The following KCNH8 variants were observed in gnomAD, a reference collection of about 807,000 sequenced individuals.
KCNH8 encodes the protein voltage-gated delayed rectifier potassium channel KCNH8.
In KCNH8, 70 loss-of-function variants were observed where a neutral mutation model predicts 103.6. That is an observed-to-expected ratio of 0.68 (90% CI 0.56 to 0.82). The LOEUF (loss-of-function observed/expected upper bound fraction) is 0.82, where lower values mean the gene tolerates loss of function less well. Ranked by LOEUF, KCNH8 falls within the 40% of genes least tolerant of loss-of-function variation. The probability of loss-of-function intolerance (pLI) is 0.00; values close to 1 mark genes in which losing one functional copy is unlikely to be tolerated. For missense variants in KCNH8, 1,217 were observed against 1,329.9 expected (o/e 0.92, Z 1.32); for synonymous variants, 498 against 489.4 (o/e 1.02, Z -0.23).
chr3:19,434,226 T>TA (rs999456129), intron 7 of KCNH8, among the ~76,000 whole-genome samples: 3 of 152,192 alleles, frequency 2.0e-5, no homozygotes, highest in African/African-American at 7.2e-5. Context: ...CAGAGACAGA[T>TA]ATGTAAGTAT....
chr3:19,156,819 T>G (rs2063185407), intron 1 of KCNH8, among the ~76,000 whole-genome samples: 1 of 152,080 alleles, frequency 6.6e-6, no homozygotes, highest in Non-Finnish European at 1.5e-5. Context: ...TTCCATGTAT[T>G]TTGAGTCTGC....
intron 3 of KCNH8, among the ~76,000 whole-genome samples, chr3:19,316,907 G>A (rs2065281898): frequency 6.6e-6 from 1 of 151,876 alleles, no homozygotes; most frequent in East Asian, 1.9e-4. Flanking sequence ...AGGATAAATA[G>A]ATGCTTTGAA....
chr3:19,481,675 G>A (rs1023994927), intron 11 of KCNH8, among the ~76,000 whole-genome samples: 2 of 152,180 alleles, frequency 1.3e-5, no homozygotes, highest in African/African-American at 4.8e-5. Context: ...AAAGGTTAAA[G>A]CAGTGCTTGA....
chr3:19,470,963 T>C (rs1384107064), intron 11 of KCNH8, among the ~76,000 whole-genome samples: 1 of 152,294 alleles, frequency 6.6e-6, no homozygotes, highest in South Asian at 2.1e-4. Flanking sequence ...CTCTTGTTAG[T>C]CAAAGAGCAC....
intron 6 of KCNH8, among the ~76,000 whole-genome samples, chr3:19,392,398 C>T (rs2066452114): frequency 6.6e-6 from 1 of 151,192 alleles, no homozygotes; most frequent in Admixed American, 6.6e-5. Context: ...CAGGAGTGAG[C>T]ATATGAGAAT....
At chr3:19,411,804 G>A (rs1341499267) in intron 7 of KCNH8, among the ~76,000 whole-genome samples, 3 of 150,458 alleles carry the variant, frequency 2.0e-5, no homozygotes, top group Non-Finnish European at 3.0e-5. Context: ...CACAGACTAC[G>A]AATACATCAA....
intron 3 of KCNH8, among the ~76,000 whole-genome samples, chr3:19,324,916 C>T (rs2065400051): frequency 6.6e-6 from 1 of 152,138 alleles, no homozygotes; most frequent in Non-Finnish European, 1.5e-5. Context: ...CTGGAGGTAT[C>T]AGGCTACCTG....
At chr3:19,167,060 C>G (rs1463405775) in intron 1 of KCNH8, among the ~76,000 whole-genome samples, 1 of 152,174 alleles carries the variant, frequency 6.6e-6, no homozygotes, top group African/African-American at 2.4e-5. Context: ...TTCTCTGTCA[C>G]AAGTGTCTCC....
At chr3:19,407,726 C>T (rs2066714905) in intron 7 of KCNH8, among the ~76,000 whole-genome samples, 1 of 152,138 alleles carries the variant, frequency 6.6e-6, no homozygotes, top group Non-Finnish European at 1.5e-5. Flanking sequence ...CAGCCTGAGT[C>T]ATACCACCCC....
chr3:19,466,059 C>A lies in KCNH8; in HGVS notation c.2040+9077C>A, dbSNP rs902791155. On this transcript the variant is annotated intron_variant, in intron 11 of 15. Coordinates refer to ENST00000328405, the MANE Select transcript of KCNH8 (RefSeq NM_144633.3). ...AAGAGATCCTCCAACCTCAGCCTCC[C>A]ATGCACGGGCATGCACCACCACACC... Among the ~76,000 whole-genome samples, 8 of 152,010 alleles carry A rather than the reference C, an allele frequency of 5.3e-5. No individual in the cohort carries two copies. The East Asian group carries it at 1.5e-3, about 29-fold the overall frequency.
intron 1 of KCNH8, among the ~76,000 whole-genome samples, chr3:19,203,294 C>A (rs2063682141): frequency 6.6e-6 from 1 of 151,718 alleles, no homozygotes; most frequent in African/African-American, 2.4e-5. Flanking sequence ...TTAAATTTGG[C>A]TAAAGATTCA....
At chr3:19,354,237 A>C (rs2065846568) in intron 5 of KCNH8, among the ~76,000 whole-genome samples, 1 of 152,232 alleles carries the variant, frequency 6.6e-6, no homozygotes, top group African/African-American at 2.4e-5. Context: ...AAGAGGACAC[A>C]AACAAATGGA....
At chr3:19,374,458 C>G (rs1168866523) in intron 5 of KCNH8, among the ~76,000 whole-genome samples, 1 of 151,912 alleles carries the variant, frequency 6.6e-6, no homozygotes, top group Admixed American at 6.6e-5. Context: ...TTTCCATTTG[C>G]TTGGTAGATC....
At chr3:19,389,826 C>T (rs939739703) in intron 5 of KCNH8, among the ~76,000 whole-genome samples, 3 of 151,916 alleles carry the variant, frequency 2.0e-5, no homozygotes, top group Non-Finnish European at 2.9e-5. Flanking sequence ...GATGAGTTCT[C>T]GTTTTGTTGC....
At chr3:19,325,700 T>C (rs2065413587) in intron 3 of KCNH8, among the ~76,000 whole-genome samples, 1 of 152,100 alleles carries the variant, frequency 6.6e-6, no homozygotes, top group South Asian at 2.1e-4. Context: ...GTTGGTGATG[T>C]TATGGAGTAA....
intron 1 of KCNH8, among the ~76,000 whole-genome samples, chr3:19,233,019 C>T (rs1486614720): frequency 6.6e-6 from 1 of 151,774 alleles, no homozygotes; most frequent in African/African-American, 2.4e-5. Context: ...GATTAAAATG[C>T]TACTTGTCTC....
intron 5 of KCNH8, among the ~76,000 whole-genome samples, chr3:19,374,891 C>G (rs1205624380): frequency 4.6e-5 from 7 of 152,058 alleles, no homozygotes; most frequent in Admixed American, 4.6e-4. Context: ...ATATGAAATT[C>G]TGGGTTGAAA....
chr3:19,252,566 T>A (rs2064292768), intron 1 of KCNH8, among the ~76,000 whole-genome samples: 2 of 151,972 alleles, frequency 1.3e-5, no homozygotes, highest in African/African-American at 4.8e-5. Flanking sequence ...ATTTTTGTAT[T>A]TTCAGTAGGG....
Position 19,450,090 on chromosome 3 carries a change from G to A in KCNH8, c.1376-16G>A, listed in dbSNP as rs1559333009. 6.2e-7 allele frequency: 1 copy of A among 1,608,806 alleles called. No individual in the cohort carries two copies. The highest frequency in any genetic ancestry group is 8.5e-7 in the Non-Finnish European group (1 of 1,175,848). On this transcript the variant is annotated splice_polypyrimidine_tract_variant and intron_variant, in intron 8 of 15. Transcript: ENST00000328405. Reference sequence around the variant, plus strand: ...TCACATTTCTCTTCCATTATATACTGTGTTGTTCTTTCTAGCCTTGATGCA... The same window carrying A: ...TCACATTTCTCTTCCATTATATACTATGTTGTTCTTTCTAGCCTTGATGCA...
Sources: allele counts gnomAD v4.1 joint callset (sites outside exome capture counted in the v4.1 genomes callset), GRCh38; gene constraint gnomAD v4.1.1; transcripts MANE v1.5; gene names NCBI Gene and HGNC (gene_info 2026-07-23, HGNC 2026-07-21).